Variants in ADAM23 observed in about 807,000 individuals in gnomAD.
The protein encoded by ADAM23 is disintegrin and metalloproteinase domain-containing protein 23.
A neutral mutation model predicts 120.1 loss-of-function variants in ADAM23; 33 were observed. The observed-to-expected ratio is 0.27, with a 90% confidence interval of 0.21 to 0.37. The LOEUF (loss-of-function observed/expected upper bound fraction) is 0.37, where lower values mean the gene tolerates loss of function less well. Ranked by LOEUF, ADAM23 falls within the 10% of genes least tolerant of loss-of-function variation. The pLI is 1.00. For missense variants in ADAM23, 862 were observed against 1,058.2 expected, an observed-to-expected ratio of 0.81 and a Z score of 2.57; for synonymous variants, 367 against 375.2, an observed-to-expected ratio of 0.98 and a Z score of 0.25.
intron 3 of ADAM23, among the ~76,000 whole-genome samples, chr2:206,522,499 G>T (rs138228414): frequency 1.3e-5 from 2 of 152,136 alleles, no homozygotes; most frequent in South Asian, 2.1e-4. Context: ...AATGAAAAGA[G>T]TTCTTTTCCT....
chr2:206,482,958 C>G (rs886588763), intron 3 of ADAM23, among the ~76,000 whole-genome samples: 2 of 152,064 alleles, frequency 1.3e-5, no homozygotes, highest in African/African-American at 4.8e-5. Flanking sequence ...GTTGACCTTC[C>G]TCATAAATGA....
chr2:206,568,557 G>A (rs1559268501), intron 15 of ADAM23, among the ~76,000 whole-genome samples: 1 of 152,194 alleles, frequency 6.6e-6, no homozygotes, highest in Admixed American at 6.5e-5. Context: ...CAGCAAAGCT[G>A]GAAGTCTCAA....
intron 3 of ADAM23, among the ~76,000 whole-genome samples, chr2:206,496,470 A>C (rs889091293): frequency 2.0e-5 from 3 of 152,076 alleles, no homozygotes; most frequent in Non-Finnish European, 2.9e-5. Context: ...AAAGACACAA[A>C]AAACCAGAAT....
At position 206,467,334 on chromosome 2, in the gene ADAM23, A is replaced by G. The variant is rs138021092; in HGVS notation, c.433-13898A>G. 7.2e-4 allele frequency among the ~76,000 whole-genome samples: 109 copies of G among 152,366 alleles called. No homozygotes were observed. The East Asian group carries it at 0.012, about 16-fold the overall frequency. ...ATCAAAACCAAGATAGTTACTTCCA[A>G]ATTACAATAGAGGTACAGGCATTTG... is the stretch of plus-strand genomic sequence containing the variant. On this transcript the variant is annotated intron_variant, in intron 2 of 25. Transcript: ENST00000264377.
At chr2:206,587,090 T>A (rs1484521350) in intron 18 of ADAM23, among the ~76,000 whole-genome samples, 1 of 152,238 alleles carries the variant, frequency 6.6e-6, no homozygotes, top group African/African-American at 2.4e-5. Context: ...TTCTGGTCCA[T>A]CTCACCATAA....
intron 2 of ADAM23, among the ~76,000 whole-genome samples, chr2:206,452,903 G>T (rs1695225593): frequency 6.6e-6 from 1 of 152,076 alleles, no homozygotes; most frequent in Non-Finnish European, 1.5e-5. Flanking sequence ...CCTCTTCTCT[G>T]CATTGTGTTC....
chr2:206,515,433 A>G (rs1696710879), intron 3 of ADAM23, among the ~76,000 whole-genome samples: 1 of 152,158 alleles, frequency 6.6e-6, no homozygotes, highest in Non-Finnish European at 1.5e-5. Context: ...GATTTGCTCC[A>G]TGAGATTTGC....
At chr2:206,480,231 C>T (rs1032201006) in intron 2 of ADAM23, among the ~76,000 whole-genome samples, 1 of 151,918 alleles carries the variant, frequency 6.6e-6, no homozygotes, top group Non-Finnish European at 1.5e-5. Flanking sequence ...TTTCAATCAT[C>T]ATAAATACAG....
At chr2:206,521,248 T>G (rs1696837171) in intron 3 of ADAM23, among the ~76,000 whole-genome samples, 1 of 152,168 alleles carries the variant, frequency 6.6e-6, no homozygotes, top group Non-Finnish European at 1.5e-5. Context: ...TGTCTTTACC[T>G]ACTCCCACCA....
intron 2 of ADAM23, among the ~76,000 whole-genome samples, chr2:206,453,668 C>T: frequency 6.6e-6 from 1 of 152,184 alleles, no homozygotes; most frequent in Non-Finnish European, 1.5e-5. Flanking sequence ...TTATGTTTTA[C>T]TCAGAATAAT....
chr2:206,481,056 C>T (rs1222139267), intron 2 of ADAM23, among the ~76,000 whole-genome samples, 176 bp from the exon 3 acceptor site: 1 of 152,136 alleles, frequency 6.6e-6, no homozygotes, highest in Non-Finnish European at 1.5e-5. Context: ...TTAGATTTTC[C>T]TAGCAAAACC....
intron 4 of ADAM23, among the ~76,000 whole-genome samples, chr2:206,533,727 C>T (rs1035657610): frequency 2.0e-5 from 3 of 152,206 alleles, no homozygotes; most frequent in African/African-American, 4.8e-5. Context: ...CTCATTCTTA[C>T]TTCTCACTAA....
rs7607719 is a variant in ADAM23, at chr2:206,532,566, C to T, written c.573+1618C>T. ...CAAACAGCTCATATACCCAAACTTA[C>T]GTGCTTCATAGATAATGAACTAACA... On this transcript the variant is annotated intron_variant, in intron 4 of 25. Coordinates refer to ENST00000264377, the MANE Select transcript of ADAM23 (RefSeq NM_003812.4). Among the ~76,000 whole-genome samples, 990 of 152,236 alleles carry T rather than the reference C, an allele frequency of 6.5e-3. 19 individuals are homozygous for T. The highest frequency in any genetic ancestry group is 0.023 in the African/African-American group (951 of 41,540).
chr2:206,523,305 C>A (rs534525355), intron 3 of ADAM23, among the ~76,000 whole-genome samples: 1 of 5,748 alleles, frequency 1.7e-4, no homozygotes, highest in East Asian at 2.5e-3. Flanking sequence ...TCTCTTGTTA[C>A]CCCCAAAGAA....
intron 13 of ADAM23, among the ~76,000 whole-genome samples, chr2:206,563,451 G>A (rs191558916): frequency 1.3e-5 from 2 of 152,036 alleles, no homozygotes; most frequent in South Asian, 2.1e-4. Context: ...ACAAACCTCC[G>A]CAAACTTCCA....
chr2:206,539,119 C>T (rs1414080860), intron 4 of ADAM23, among the ~76,000 whole-genome samples: 4 of 152,170 alleles, frequency 2.6e-5, no homozygotes, highest in Admixed American at 6.5e-5. Flanking sequence ...CCTTGTGGAG[C>T]AGAGTTATTA....
rs1182383270 is a variant in ADAM23, at chr2:206,617,890, T to C, written c.*263T>C. On this transcript the variant is annotated 3_prime_UTR_variant, in exon 26 of 26. Coordinates refer to ENST00000264377, the MANE Select transcript of ADAM23 (RefSeq NM_003812.4). ...ATAAAAAGAACTGTTCCAGAATCTT[T>C]TTTTTCCCTAATGGACGAAGGAACA... 12 of 509,926 alleles carry C rather than the reference T, an allele frequency of 2.4e-5. No homozygotes were observed. In the Admixed American group the frequency reaches 5.4e-4, roughly 23 times the overall value. The allele number at this position is 509,926 out of a possible 1,614,324, so 31.6% of individuals were successfully genotyped here.
At chr2:206,453,273 G>A (rs984324551) in intron 2 of ADAM23, among the ~76,000 whole-genome samples, 6 of 152,190 alleles carry the variant, frequency 3.9e-5, no homozygotes, top group African/African-American at 7.2e-5. Flanking sequence ...GGCAAGAACC[G>A]AATCTATCAG....
intron 2 of ADAM23, among the ~76,000 whole-genome samples, chr2:206,480,718 C>T (rs1372463453): frequency 1.3e-5 from 2 of 151,954 alleles, no homozygotes; most frequent in African/African-American, 4.8e-5. Context: ...CACAAAAGGC[C>T]AGGTTCTAAG....
Sources: allele counts gnomAD v4.1 joint callset (sites outside exome capture counted in the v4.1 genomes callset), GRCh38; gene constraint gnomAD v4.1.1; transcripts MANE v1.5; gene names NCBI Gene and HGNC (gene_info 2026-07-23, HGNC 2026-07-21).